Variants in LIMCH1 observed in about 807,000 individuals in gnomAD.
The protein encoded by LIMCH1 is LIM and calponin homology domains-containing protein 1.
In LIMCH1, 113 loss-of-function variants were observed where a neutral mutation model predicts 176.5. The observed-to-expected ratio is 0.64, with a 90% CI of 0.55 to 0.75. The LOEUF (loss-of-function observed/expected upper bound fraction) is 0.75. Ranked by LOEUF, LIMCH1 falls within the 30% of genes least tolerant of loss-of-function variation. LIMCH1 has a pLI of 0.00. For synonymous variants in LIMCH1, 619 were observed against 645.9 expected (o/e 0.96, Z 0.63); for missense variants, 1,674 against 1,814.9 (o/e 0.92, Z 1.41).
chr4:41,694,435 A>G (rs528641249), intron 31 of LIMCH1, among the ~76,000 whole-genome samples: 10 of 152,224 alleles, frequency 6.6e-5, no homozygotes, highest in Non-Finnish European at 1.0e-4. Flanking sequence ...AGTATGATGT[A>G]TCTACCTGGA....
In LIMCH1 at chr4:41,370,531, A is replaced by T. The variant is rs142891930; in HGVS notation, c.96+9595A>T. ...TTTTCCTATGGAAAATTAAAAAAAAAGTTGCCTGTGGAGCTGAATGTTGTC... is the reference window on the plus strand; with the variant it reads ...TTTTCCTATGGAAAATTAAAAAAAATGTTGCCTGTGGAGCTGAATGTTGTC... On this transcript the variant is annotated intron_variant, in intron 1 of 26. Transcript: ENST00000313860. Among the ~76,000 whole-genome samples, 1,130 of 152,266 alleles carry T rather than the reference A, an allele frequency of 7.4e-3. 12 individuals are homozygous for T. The highest frequency in any genetic ancestry group is 0.025 in the African/African-American group (1,041 of 41,554).
chr4:41,375,455 T>A (rs61080714), intron 1 of LIMCH1, among the ~76,000 whole-genome samples: 186 of 152,344 alleles, frequency 1.2e-3, no homozygotes, highest in African/African-American at 4.3e-3. Flanking sequence ...TCAACTCTCC[T>A]TTCTTCCCAA....
intron 18 of LIMCH1, 128 bp downstream of exon 18, chr4:41,650,736 G>C (rs930521888): frequency 5.2e-6 from 4 of 775,628 alleles, no homozygotes; most frequent in Non-Finnish European, 8.1e-6. Flanking sequence ...TGCTAGGGCT[G>C]CTGTAAGTAC....
intron 1 of LIMCH1, among the ~76,000 whole-genome samples, chr4:41,454,114 C>A (rs760587706): frequency 6.6e-6 from 1 of 152,094 alleles, no homozygotes; most frequent in Admixed American, 6.6e-5. Context: ...CAATGCCCCC[C>A]ACCCTCACCA....
chr4:41,569,723 A>G (rs964328354), intron 1 of LIMCH1, among the ~76,000 whole-genome samples: 16 of 152,210 alleles, frequency 1.1e-4, no homozygotes, highest in Admixed American at 7.9e-4. Context: ...ACCATATTCA[A>G]TATTGAAGTG....
Position 41,480,722 on chromosome 4 carries a change from C to G in LIMCH1, c.97-13814C>G, listed in dbSNP as rs576536495. On this transcript the variant is annotated intron_variant, in intron 1 of 26. Coordinates refer to the LIMCH1 transcript ENST00000313860. ...AAATGGAGGCAACCCATGTAGCCTA[C>G]GAGCTCTCCACTAGTCCATTTTCTT... is the stretch of plus-strand genomic sequence containing the variant. Among the ~76,000 whole-genome samples the G allele has an allele frequency of 2.0e-4, 31 of 152,190 alleles. 1 individual carries two copies. Among genetic ancestry groups the G allele is most frequent in the Admixed American group, 7.9e-4 (12 of 15,278 alleles).
At chr4:41,533,388 T>A (rs1261280330), upstream of LIMCH1, among the ~76,000 whole-genome samples, 1 of 152,206 alleles carries the variant, frequency 6.6e-6, no homozygotes, top group Non-Finnish European at 1.5e-5. Flanking sequence ...CTTGTCCCGA[T>A]GAATGAAATG....
At chr4:41,645,164 G>A (rs908398954) in intron 15 of LIMCH1, among the ~76,000 whole-genome samples, 1 of 152,214 alleles carries the variant, frequency 6.6e-6, no homozygotes, top group African/African-American at 2.4e-5. Flanking sequence ...TAGAACCAGG[G>A]AAGGAAGGCT....
In LIMCH1 at chr4:41,581,146, C is replaced by CTATCTATCTATCTATCT. The variant is rs5857802; in HGVS notation, c.-240-17774_-240-17773insTATCTATCTATCTATCT. Among the ~76,000 whole-genome samples, 612 of 148,464 alleles carry CTATCTATCTATCTATCT rather than the reference C, an allele frequency of 4.1e-3. 1 individual carries two copies. The highest frequency in any genetic ancestry group is 1.0e-2 in the African/African-American group (405 of 40,664). On this transcript the variant is annotated intron_variant, in intron 1 of 31. Transcript: ENST00000503057. Reference sequence around the variant, plus strand: ...TCTATCTATCTATCTATCTATCTATCATCTAATCAATCATCTGTTTTCTAG... The same window carrying CTATCTATCTATCTATCT: ...TCTATCTATCTATCTATCTATCTATCTATCTATCTATCTATCTATCTAATCAATCATCTGTTTTCTAG...
intron 1 of LIMCH1, among the ~76,000 whole-genome samples, chr4:41,390,457 A>G (rs569472587): frequency 4.6e-5 from 7 of 152,320 alleles, no homozygotes; most frequent in African/African-American, 9.6e-5. Context: ...GTGGTGTGCA[A>G]TGTTACCAAG....
At chr4:41,402,664 A>C (rs1259366256) in intron 1 of LIMCH1, among the ~76,000 whole-genome samples, 4 of 144,026 alleles carry the variant, frequency 2.8e-5, no homozygotes, top group Non-Finnish European at 6.0e-5. Flanking sequence ...TGATGAGTTC[A>C]TGTCCTTTGT....
chr4:41,377,254 G>A (rs2054897879), intron 1 of LIMCH1, among the ~76,000 whole-genome samples: 1 of 152,024 alleles, frequency 6.6e-6, no homozygotes, highest in Non-Finnish European at 1.5e-5. Flanking sequence ...CTTTCTTCTT[G>A]GACCACAGAC....
In LIMCH1 at chr4:41,575,407, A is replaced by C. The variant is rs181209767; in HGVS notation, c.-240-23513A>C. On this transcript the variant is annotated intron_variant, in intron 1 of 31. Transcript: ENST00000503057. ...ACCCATTACAAGTTTGAATTTTTTT[A>C]AACTGGATTCATTCAGGGGTGTATT... Among the ~76,000 whole-genome samples the C allele has an allele frequency of 2.0e-3, 303 of 152,294 alleles. 1 individual carries two copies. The highest frequency in any genetic ancestry group is 6.4e-3 in the African/African-American group (264 of 41,558).
intron 1 of LIMCH1, among the ~76,000 whole-genome samples, chr4:41,411,065 C>T (rs954135967): frequency 6.6e-6 from 1 of 152,202 alleles, no homozygotes; most frequent in Non-Finnish European, 1.5e-5. Flanking sequence ...TTCTCAAACT[C>T]AGCACTTGAA....
intron 4 of LIMCH1, among the ~76,000 whole-genome samples, chr4:41,606,829 T>C (rs1172282744): frequency 6.6e-6 from 1 of 152,184 alleles, no homozygotes; most frequent in African/African-American, 2.4e-5. Context: ...GATGGATTCT[T>C]GCTGTGTCGC....
chr4:41,695,581 G>A (rs1248150217), intron 31 of LIMCH1, among the ~76,000 whole-genome samples: 3 of 151,984 alleles, frequency 2.0e-5, no homozygotes, highest in Non-Finnish European at 4.4e-5. Flanking sequence ...ATTACTGAAT[G>A]TTTTTAATTA....
At position 41,646,527 on chromosome 4, in the gene LIMCH1, T is replaced by A; in HGVS notation, c.2454T>A (p.Ala818=). Residue 818 remains alanine, a synonymous_variant, in exon 17 of 32, where the codon GCT becomes GCA. Transcript: ENST00000503057. ...AGCTGCATGAAGCATATAAGAACGC[T>A]CGGTCCCAGGAGGAGGCAGAGGGGA... ...ERELHEAYKN[A]RSQEEAEGIL... is the part of the protein sequence containing the mutation. The A allele has an allele frequency of 2.5e-6, 4 of 1,614,116 alleles. No individual in the cohort carries two copies. The highest frequency in any genetic ancestry group is 3.4e-6 in the Non-Finnish European group (4 of 1,180,008).
intron 1 of LIMCH1, among the ~76,000 whole-genome samples, chr4:41,554,627 C>T (rs1431634107): frequency 1.3e-5 from 2 of 152,124 alleles, no homozygotes; most frequent in Non-Finnish European, 2.9e-5. Flanking sequence ...ATGAATTGCA[C>T]AGTTGGCCCT....
intron 21 of LIMCH1, 123 bp from the exon 22 acceptor site, chr4:41,671,431 C>CAA: frequency 4.7e-6 from 3 of 643,934 alleles, no homozygotes; most frequent in Non-Finnish European, 8.2e-6. Context: ...CACACACACA[C>CAA]ACACACACAA....
Sources: allele counts gnomAD v4.1 joint callset (sites outside exome capture counted in the v4.1 genomes callset), GRCh38; gene constraint gnomAD v4.1.1; transcripts MANE v1.5; gene names NCBI Gene and HGNC (gene_info 2026-07-23, HGNC 2026-07-21).